RP1: variants seen among roughly 807,000 people sequenced by gnomAD.
The protein encoded by RP1 is RP1 axonemal microtubule associated.
In RP1, 16 loss-of-function variants were observed where a neutral mutation model predicts 14.8. That is an observed-to-expected ratio of 1.08 (90% CI 0.73 to 1.65). The LOEUF (loss-of-function observed/expected upper bound fraction) is 1.65. Ranked by LOEUF, RP1 falls within the 40% of genes most tolerant of loss-of-function variation. The pLI, the probability that RP1 is intolerant of heterozygous loss-of-function variation, is 0.00. For missense variants in RP1, 2,631 were observed against 2,535.0 expected (o/e 1.04, Z -0.81); for synonymous variants, 876 against 883.6 (o/e 0.99, Z 0.15).
chr8:54,574,025 C>T (rs1015110043), intron 1 of RP1, among the ~76,000 whole-genome samples: 7 of 152,072 alleles, frequency 4.6e-5, no homozygotes, highest in African/African-American at 7.2e-5. Context: ...TTTCCAGGTG[C>T]GAGAATAAGA....
intron 22 of RP1, among the ~76,000 whole-genome samples, chr8:54,762,064 G>A (rs1809652861): frequency 6.6e-6 from 1 of 152,192 alleles, no homozygotes; most frequent in Non-Finnish European, 1.5e-5. Context: ...GGTGCACGCA[G>A]GAGCTGGAGT....
chr8:54,858,095 C>T (rs1812248202), intron 27 of RP1, among the ~76,000 whole-genome samples: 1 of 151,870 alleles, frequency 6.6e-6, no homozygotes, highest in Non-Finnish European at 1.5e-5. Flanking sequence ...AATTAGTGAC[C>T]ATTTACTGAA....
intron 19 of RP1, among the ~76,000 whole-genome samples, chr8:54,751,060 A>G (rs1809357411): frequency 6.6e-6 from 1 of 152,172 alleles, no homozygotes; most frequent in African/African-American, 2.4e-5. Context: ...CATCTTCAAG[A>G]GCTGTAACAC....
intron 24 of RP1, among the ~76,000 whole-genome samples, chr8:54,820,733 A>T (rs1172893698): frequency 6.6e-6 from 1 of 152,132 alleles, no homozygotes; most frequent in Non-Finnish European, 1.5e-5. Context: ...AAAACCAGGT[A>T]CTGCGATCAC....
intron 1 of RP1, among the ~76,000 whole-genome samples, chr8:54,620,691 G>A (rs2129313924): frequency 6.6e-6 from 1 of 152,232 alleles, no homozygotes; most frequent in South Asian, 2.1e-4. Context: ...GGGTGTATAT[G>A]TGATAATTTA....
intron 1 of RP1, among the ~76,000 whole-genome samples, chr8:54,586,084 A>T (rs1247615158): frequency 6.6e-6 from 1 of 151,998 alleles, no homozygotes; most frequent in Non-Finnish European, 1.5e-5. Flanking sequence ...TCATTTTTAG[A>T]GTTTCCAGTT....
At chr8:54,774,179 G>A (rs114939436), downstream of RP1, among the ~76,000 whole-genome samples, 777 of 152,186 alleles carry the variant, frequency 5.1e-3, 10 homozygotes, top group African/African-American at 0.018. Context: ...TAATGACAAG[G>A]TAACAGCCTA....
chr8:54,684,018 T>C (rs982255399), intron 12 of RP1, among the ~76,000 whole-genome samples: 5 of 149,436 alleles, frequency 3.3e-5, no homozygotes, highest in Non-Finnish European at 7.4e-5. Flanking sequence ...TTTTTTAACA[T>C]GAAGGGATGT....
At chr8:54,603,298 T>C (rs35078322) in intron 1 of RP1, among the ~76,000 whole-genome samples, 51,490 of 150,608 alleles carry the variant, frequency 0.34, 9,362 homozygotes, top group Middle Eastern at 0.49. Context: ...ATAGGGAATC[T>C]TTTCCCCATT....
intron 22 of RP1, among the ~76,000 whole-genome samples, chr8:54,766,894 C>T (rs117551074): frequency 0.011 from 1,654 of 152,250 alleles, 18 homozygotes; most frequent in Non-Finnish European, 0.018. Flanking sequence ...GCAACCTTCT[C>T]GTGCTTGCTT....
intron 25 of RP1, chr8:54,837,790 G>A: frequency 2.0e-6 from 1 of 499,746 alleles, no homozygotes. Flanking sequence ...ACACTTCGTG[G>A]GCTATAAAGT....
chr8:54,607,839 G>A (rs2091941), intron 1 of RP1, among the ~76,000 whole-genome samples: 9,761 of 152,228 alleles, frequency 0.064, 1,029 homozygotes, highest in African/African-American at 0.22. Context: ...AGGACCCTCT[G>A]AGCCATGCGT....
rs373574136 is a variant in RP1, at chr8:54,622,247, G to C, written c.746G>C (p.Arg249Pro). ...LPARLPGISQ[R>P]VYPKGNAKSE... Reference sequence around the variant, plus strand: ...GCTAGATTACCAGGGATCTCTCAGCGTGTGTACCCCAAGGGAAATGCAAAG... The same window carrying C: ...GCTAGATTACCAGGGATCTCTCAGCCTGTGTACCCCAAGGGAAATGCAAAG... The change falls in exon 3 of 4, where the codon CGT becomes CCT. Residue 249 changes from arginine (R) to proline (P), a missense_variant. By Grantham distance (103) the Arg-to-Pro change is moderately radical. Transcript: ENST00000220676. The C allele has an allele frequency of 2.5e-6, 4 of 1,614,084 alleles. No individual in the cohort carries two copies. The highest frequency in any genetic ancestry group is 3.4e-6 in the Non-Finnish European group (4 of 1,180,014).
chr8:54,800,202 G>A (rs1185867624), intron 24 of RP1, among the ~76,000 whole-genome samples: 1 of 151,990 alleles, frequency 6.6e-6, no homozygotes, highest in African/African-American at 2.4e-5. Flanking sequence ...AAAGAGTGCT[G>A]ATGTAGTTCT....
chr8:54,824,507 TG>T (rs1473985689), intron 24 of RP1, among the ~76,000 whole-genome samples: 92 of 144,088 alleles, frequency 6.4e-4, no homozygotes, highest in Non-Finnish European at 2.8e-4. Context: ...TATTAGTTTT[TG>T]CACAGTCCTT....
intron 24 of RP1, among the ~76,000 whole-genome samples, chr8:54,834,946 T>G (rs1585733050): frequency 6.6e-6 from 1 of 152,288 alleles, no homozygotes; most frequent in Non-Finnish European, 1.5e-5. Context: ...CATATGAAAG[T>G]GTCTTAAACA....
intron 24 of RP1, among the ~76,000 whole-genome samples, chr8:54,820,746 A>G (rs1232492719): frequency 1.3e-5 from 2 of 152,106 alleles, no homozygotes; most frequent in Admixed American, 6.6e-5. Context: ...GCGATCACTC[A>G]TCTGATTTTT....
At chr8:54,620,502 T>C (rs115897507) in intron 1 of RP1, among the ~76,000 whole-genome samples, 1,690 of 150,584 alleles carry the variant, frequency 0.011, 32 homozygotes, top group African/African-American at 0.04. Flanking sequence ...TAACAATGCA[T>C]TTCTCAGAAC....
At chr8:54,819,417 C>G (rs1301002208) in intron 24 of RP1, among the ~76,000 whole-genome samples, 1 of 152,040 alleles carries the variant, frequency 6.6e-6, no homozygotes, top group Admixed American at 6.6e-5. Context: ...ATTTTGAATT[C>G]TCTGTCTGAA....
Sources: allele counts gnomAD v4.1 joint callset (sites outside exome capture counted in the v4.1 genomes callset), GRCh38; gene constraint gnomAD v4.1.1; transcripts MANE v1.5; gene names NCBI Gene and HGNC (gene_info 2026-07-23, HGNC 2026-07-21).